CALCR: variants seen among roughly 807,000 people sequenced by gnomAD.
CALCR encodes the protein calcitonin receptor.
In CALCR, 47 loss-of-function variants were observed where a neutral mutation model predicts 59.5. That is an observed-to-expected ratio of 0.79 (90% CI 0.63 to 1.01). The LOEUF is 1.01. Among genes scored for constraint, CALCR ranks in the 50% least tolerant of loss-of-function variants. The probability of loss-of-function intolerance (pLI) is 0.00; values close to 1 mark genes in which losing one functional copy is unlikely to be tolerated. For synonymous variants in CALCR, 213 were observed against 211.3 expected (o/e 1.01, Z -0.07); for missense variants, 566 against 597.1 (o/e 0.95, Z 0.54).
intron 2 of CALCR, among the ~76,000 whole-genome samples, chr7:93,496,296 T>A (rs902858884): frequency 1.3e-5 from 2 of 151,492 alleles, no homozygotes; most frequent in African/African-American, 4.8e-5. Flanking sequence ...AAGACTCTAA[T>A]TTTTCTGTAC....
At chr7:93,536,639 C>T (rs934659407) in intron 2 of CALCR, among the ~76,000 whole-genome samples, 6 of 151,822 alleles carry the variant, frequency 4.0e-5, no homozygotes, top group African/African-American at 1.4e-4. Flanking sequence ...TGGTGTGCTG[C>T]ACCCATTAAC....
chr7:93,466,454 T>A (rs546265298), intron 7 of CALCR, among the ~76,000 whole-genome samples: 1 of 152,020 alleles, frequency 6.6e-6, no homozygotes, highest in South Asian at 2.1e-4. Flanking sequence ...CCCTTTATAT[T>A]TTTAGTTTGG....
chr7:93,525,764 A>G (rs561079060), intron 2 of CALCR, among the ~76,000 whole-genome samples: 1 of 152,326 alleles, frequency 6.6e-6, no homozygotes, highest in South Asian at 2.1e-4. Flanking sequence ...AAATATTTCA[A>G]TAATGGCTTC....
intron 2 of CALCR, among the ~76,000 whole-genome samples, chr7:93,507,610 TA>T (rs879906850): frequency 2.7e-3 from 380 of 141,256 alleles, no homozygotes; most frequent in Admixed American, 3.5e-3. Context: ...AAGTCTGCAT[TA>T]AAAAAAAAAA....
intron 2 of CALCR, among the ~76,000 whole-genome samples, chr7:93,527,774 G>C (rs1469852958): frequency 6.6e-6 from 1 of 152,076 alleles, no homozygotes; most frequent in African/African-American, 2.4e-5. Flanking sequence ...TTACTCAATG[G>C]AGGCCCATTT....
At chr7:93,475,664 A>AT (rs1800652052) in intron 5 of CALCR, among the ~76,000 whole-genome samples, 1 of 151,872 alleles carries the variant, frequency 6.6e-6, no homozygotes, top group African/African-American at 2.4e-5. Flanking sequence ...CTCATGAACA[A>AT]GGCCATAGCA....
At chr7:93,428,863 G>A (rs1159203244) in intron 13 of CALCR, among the ~76,000 whole-genome samples, 1 of 151,494 alleles carries the variant, frequency 6.6e-6, no homozygotes, top group African/African-American at 2.4e-5. Flanking sequence ...TATCCTTGTA[G>A]CTGAAACTTA....
At chr7:93,455,140 A>G (rs1454185045) in intron 8 of CALCR, among the ~76,000 whole-genome samples, 3 of 152,004 alleles carry the variant, frequency 2.0e-5, no homozygotes, top group African/African-American at 7.2e-5. Context: ...AAACAAACAA[A>G]CAACAACAAC....
chr7:93,563,822 G>A (rs897943048), intron 2 of CALCR, among the ~76,000 whole-genome samples: 10 of 152,070 alleles, frequency 6.6e-5, no homozygotes, highest in African/African-American at 1.7e-4. Context: ...GTTCATTTCC[G>A]AATCCATCAT....
intron 13 of CALCR, among the ~76,000 whole-genome samples, chr7:93,432,778 A>G (rs17165427): frequency 0.22 from 33,058 of 152,060 alleles, 4,024 homozygotes; most frequent in East Asian, 0.39. Flanking sequence ...ATATTATTTT[A>G]GACAAAAAAT....
chr7:93,471,348 G>A (rs2115852310), intron 6 of CALCR, among the ~76,000 whole-genome samples: 1 of 151,810 alleles, frequency 6.6e-6, no homozygotes, highest in Admixed American at 6.6e-5. Flanking sequence ...TGATTCTCAG[G>A]GTGACTAAAC....
chr7:93,493,314 T>C (rs1346348001), intron 2 of CALCR, among the ~76,000 whole-genome samples: 1 of 151,414 alleles, frequency 6.6e-6, no homozygotes, highest in East Asian at 1.9e-4. Flanking sequence ...TTATTTTCTC[T>C]GTCCATTTTC....
At chr7:93,485,554 T>C (rs550004964) in intron 3 of CALCR, among the ~76,000 whole-genome samples, 15 of 151,766 alleles carry the variant, frequency 9.9e-5, no homozygotes, top group Middle Eastern at 3.4e-3. Context: ...TATTCACATA[T>C]ACCAGATCAC....
chr7:93,477,633 A>C lies in CALCR; in HGVS notation c.241T>G (p.Cys81Gly). The part of the protein sequence containing the change: ...YCNRTWDGWL[C>G]WDDTPAGVLS... Reference sequence around the variant, plus strand: ...ACTCCAGCCGGTGTGTCATCCCAGCACAGCCATCCATCCCAGGTGCGATTG... The same window carrying C: ...ACTCCAGCCGGTGTGTCATCCCAGCCCAGCCATCCATCCCAGGTGCGATTG... The change falls in exon 5 of 14, where the codon TGC becomes GGC. Residue 81 changes from cysteine (C) to glycine (G), a missense_variant. Physicochemically the swap from Cys to Gly is radical, Grantham distance 159. Transcript: ENST00000426151. 1 of 1,611,466 alleles carries C rather than the reference A, an allele frequency of 6.2e-7. No individual in the cohort carries two copies. The highest frequency in any genetic ancestry group is 1.1e-5 in the South Asian group (1 of 91,008).
In CALCR at chr7:93,472,503, A is replaced by T. The variant is rs372004844; in HGVS notation, c.317-16T>A. 3 of 1,368,130 alleles carry T rather than the reference A, an allele frequency of 2.2e-6. No homozygotes were observed. The highest frequency in any genetic ancestry group is 3.1e-6 in the Non-Finnish European group (3 of 960,144). 84.7% of individuals were successfully genotyped at this position (1,368,130 alleles called of 1,614,324 possible). ...GTAACCTTTTCTGTTAATGAAACAT[A>T]ACAGTTATTGCATTAATATCTCAAA... On this transcript the variant is annotated splice_polypyrimidine_tract_variant and intron_variant, in intron 5 of 13. Transcript: ENST00000426151.
intron 8 of CALCR, among the ~76,000 whole-genome samples, chr7:93,451,971 A>G (rs1335467344): frequency 6.6e-6 from 1 of 152,002 alleles, no homozygotes; most frequent in Non-Finnish European, 1.5e-5. Context: ...TTAAACATTG[A>G]TCACACAAGG....
In CALCR at chr7:93,491,182, G is replaced by A. The variant is rs145081366; in HGVS notation, c.-26-4175C>T. Among the ~76,000 whole-genome samples the A allele has an allele frequency of 4.8e-3, 728 of 152,182 alleles. 4 individuals are homozygous for A. Among genetic ancestry groups the A allele is most frequent in the Non-Finnish European group, 7.1e-3 (482 of 67,972 alleles). Reference sequence around the variant, plus strand: ...AAGGATTTCCTATTCAATAAATGGTGCTGGGAAAACTAGCTAGCCATATGC... The same window carrying A: ...AAGGATTTCCTATTCAATAAATGGTACTGGGAAAACTAGCTAGCCATATGC... On this transcript the variant is annotated intron_variant, in intron 2 of 13. Coordinates refer to ENST00000426151, the MANE Select transcript of CALCR (RefSeq NM_001742.4).
At chr7:93,507,636 A>G (rs1182733308) in intron 2 of CALCR, among the ~76,000 whole-genome samples, 1 of 151,246 alleles carries the variant, frequency 6.6e-6, no homozygotes, top group Admixed American at 6.6e-5. Context: ...GGTCAGGCGC[A>G]GTGTCTCATG....
intron 12 of CALCR, among the ~76,000 whole-genome samples, 181 bp downstream of exon 12, chr7:93,435,771 A>G (rs1799759228): frequency 6.6e-6 from 1 of 151,590 alleles, no homozygotes; most frequent in Admixed American, 6.6e-5. Flanking sequence ...ATGCCACTGC[A>G]CTCCAGCCTG....
Sources: allele counts gnomAD v4.1 joint callset (sites outside exome capture counted in the v4.1 genomes callset), GRCh38; gene constraint gnomAD v4.1.1; transcripts MANE v1.5; gene names NCBI Gene and HGNC (gene_info 2026-07-23, HGNC 2026-07-21).